The following GLCCI1 variants were observed in gnomAD, a reference collection of about 807,000 sequenced individuals.
GLCCI1 encodes the protein glucocorticoid-induced transcript 1 protein.
In GLCCI1, 24 loss-of-function variants were observed where a neutral mutation model predicts 52.2. The ratio of observed to expected loss-of-function variants is 0.46; its 90% CI spans 0.33 to 0.65. The LOEUF (loss-of-function observed/expected upper bound fraction) is 0.65, where lower values mean the gene tolerates loss of function less well. Ranked by LOEUF, GLCCI1 falls within the 30% of genes least tolerant of loss-of-function variation. The pLI is 0.02. For synonymous variants in GLCCI1, 310 were observed against 276.5 expected, an observed-to-expected ratio of 1.12 and a Z score of -1.20; for missense variants, 704 against 701.5, an observed-to-expected ratio of 1.00 and a Z score of -0.04.
At chr7:8,057,417 A>G (rs1040845340) in intron 4 of GLCCI1, among the ~76,000 whole-genome samples, 7 of 152,218 alleles carry the variant, frequency 4.6e-5, no homozygotes, top group African/African-American at 4.8e-5. Context: ...TTGAATCTCA[A>G]AAACATCATG....
intron 3 of GLCCI1, among the ~76,000 whole-genome samples, chr7:8,041,219 A>T (rs1396026989): frequency 6.6e-6 from 1 of 152,216 alleles, no homozygotes; most frequent in Non-Finnish European, 1.5e-5. Flanking sequence ...CAGCCACAAC[A>T]TTCCCTTAAG....
intron 2 of GLCCI1, among the ~76,000 whole-genome samples, chr7:8,021,698 CA>C (rs557267104): frequency 1.2e-4 from 19 of 152,210 alleles, no homozygotes; most frequent in Non-Finnish European, 2.6e-4. Context: ...CCACCATGCT[CA>C]GCCTATTGTT....
chr7:8,003,577 G>C (rs1781087901), intron 1 of GLCCI1, among the ~76,000 whole-genome samples: 1 of 152,184 alleles, frequency 6.6e-6, no homozygotes, highest in African/African-American at 2.4e-5. Flanking sequence ...TGGATACAGG[G>C]ATAGCAGTTA....
intron 5 of GLCCI1, among the ~76,000 whole-genome samples, chr7:8,069,014 T>A (rs890088522): frequency 2.6e-5 from 4 of 152,202 alleles, no homozygotes; most frequent in African/African-American, 9.7e-5. Flanking sequence ...TTCCTCACTA[T>A]TGCAGCTGCG....
At chr7:8,001,780 A>G (rs1249369854) in intron 1 of GLCCI1, among the ~76,000 whole-genome samples, 1 of 152,254 alleles carries the variant, frequency 6.6e-6, no homozygotes, top group Non-Finnish European at 1.5e-5. Flanking sequence ...GCCATAAAAA[A>G]GAATGAGTTC....
intron 5 of GLCCI1, among the ~76,000 whole-genome samples, chr7:8,068,527 A>G (rs73053562): frequency 0.037 from 5,592 of 152,244 alleles, 146 homozygotes; most frequent in Non-Finnish European, 0.057. Context: ...CATTTCATCA[A>G]TCAGCTCCTG....
intron 5 of GLCCI1, among the ~76,000 whole-genome samples, chr7:8,060,640 C>T (rs988218402): frequency 8.5e-5 from 13 of 152,072 alleles, no homozygotes; most frequent in African/African-American, 3.1e-4. Context: ...TAAGGTTCAC[C>T]CACGTTTAGC....
At position 8,055,470 on chromosome 7, in the gene GLCCI1, A is replaced by T; in HGVS notation, c.734A>T (p.Lys245Ile). The T allele has an allele frequency of 6.2e-7, 1 of 1,614,022 alleles. No individual in the cohort carries two copies. Among genetic ancestry groups the T allele is most frequent in the Non-Finnish European group, 8.5e-7 (1 of 1,179,922 alleles). ...CTGAGGCAGCAACTACAACGCAGTA[A>T]ACAGAGTAGTCGTCACAGTAAGGAG... Reference protein sequence around the residue: ...AKLRQQLQRSKQSSRHSKEKD... With the variant: ...AKLRQQLQRSIQSSRHSKEKD... The change falls in exon 4 of 8, where the codon AAA becomes ATA. Residue 245 changes from lysine (K) to isoleucine (I), a missense_variant. Physicochemically the swap from Lys to Ile is moderately radical, Grantham distance 102. Transcript: ENST00000223145.
intron 1 of GLCCI1, chr7:7,980,784 GA>G: frequency 1.4e-6 from 1 of 693,862 alleles, no homozygotes; most frequent in South Asian, 1.6e-5. Context: ...TGAGGTGACA[GA>G]AGGCATTGAC....
At position 8,088,240 on chromosome 7, in the gene GLCCI1, T is replaced by TTGTGGG; in HGVS notation, c.*1706_*1707insGGTGTG. On this transcript the variant is annotated 3_prime_UTR_variant, in exon 8 of 8. Coordinates refer to ENST00000223145, the MANE Select transcript of GLCCI1 (RefSeq NM_138426.4). The stretch of plus-strand genomic sequence containing the variant: ...AGAAATGATATATATATGTATATGT[T>TTGTGGG]TGTGTGTGTGTGTGTGTGTGTGTGT... 6.8e-6 allele frequency: 1 copy of TTGTGGG among 147,466 alleles called. No homozygotes were observed. The highest frequency in any genetic ancestry group is 6.8e-5 in the Admixed American group (1 of 14,708). 9.1% of individuals were successfully genotyped at this position (147,466 alleles called of 1,614,324 possible).
intron 2 of GLCCI1, 41 bp from the exon 3 acceptor site, chr7:8,022,442 G>T: frequency 8.9e-7 from 1 of 1,117,928 alleles, no homozygotes; most frequent in Non-Finnish European, 1.2e-6. Flanking sequence ...AGGAAGTAGA[G>T]ATAAAATTTC....
In GLCCI1 at chr7:8,009,717, C is replaced by T. The variant is rs77457983; in HGVS notation, c.609+5658C>T. Among the ~76,000 whole-genome samples the T allele has an allele frequency of 5.6e-3, 850 of 152,284 alleles. 12 individuals carry two copies. The highest frequency in any genetic ancestry group is 6.0e-3 in the Non-Finnish European group (409 of 68,030). On this transcript the variant is annotated intron_variant, in intron 2 of 7. Transcript: ENST00000223145. ...AGTATGAGCAAGAAATTAACTTTTG[C>T]AGTTTTAAGTCATTTGGATTTGGAG... is the stretch of plus-strand genomic sequence containing the variant.
intron 3 of GLCCI1, among the ~76,000 whole-genome samples, chr7:8,032,697 A>C (rs1781781743): frequency 6.6e-6 from 1 of 152,096 alleles, no homozygotes; most frequent in South Asian, 2.1e-4. Flanking sequence ...TAAAGTGCCA[A>C]AGCTGACTTA....
chr7:8,073,216 T>C (rs1782802010), intron 6 of GLCCI1, among the ~76,000 whole-genome samples: 1 of 152,158 alleles, frequency 6.6e-6, no homozygotes, highest in South Asian at 2.1e-4. Context: ...CTCAAAGATT[T>C]AATGAATGGT....
At chr7:8,082,780 T>C (rs1783022558) in intron 6 of GLCCI1, among the ~76,000 whole-genome samples, 1 of 152,198 alleles carries the variant, frequency 6.6e-6, no homozygotes, top group South Asian at 2.1e-4. Flanking sequence ...AAATTACTTA[T>C]TCTAGATTGT....
intron 3 of GLCCI1, among the ~76,000 whole-genome samples, chr7:8,041,649 C>T (rs553268146): frequency 9.9e-4 from 151 of 152,154 alleles, no homozygotes; most frequent in Non-Finnish European, 1.9e-3. Flanking sequence ...GGCTGGAGTA[C>T]AGTGGCATGA....
At chr7:7,985,766 T>C (rs1043487950) in intron 1 of GLCCI1, among the ~76,000 whole-genome samples, 3 of 152,260 alleles carry the variant, frequency 2.0e-5, no homozygotes, top group African/African-American at 7.2e-5. Context: ...TCCTTTCTTC[T>C]GAATCATATA....
In GLCCI1 at chr7:7,987,842, G is replaced by T. The variant is rs199898886; in HGVS notation, c.458-16066G>T. On this transcript the variant is annotated intron_variant, in intron 1 of 7. Coordinates refer to ENST00000223145, the MANE Select transcript of GLCCI1 (RefSeq NM_138426.4). Reference sequence around the variant, plus strand: ...GGCCTCAAGTTATCCTTCCGCTTTGGCCTTTAAAAGAGCTGGGGTTGCAGG... The same window carrying T: ...GGCCTCAAGTTATCCTTCCGCTTTGTCCTTTAAAAGAGCTGGGGTTGCAGG... Among the ~76,000 whole-genome samples, 3 of 152,044 alleles carry T rather than the reference G, an allele frequency of 2.0e-5. No homozygotes were observed. The East Asian group carries it at 5.8e-4, about 29-fold the overall frequency.
intron 3 of GLCCI1, among the ~76,000 whole-genome samples, chr7:8,029,111 AT>A (rs1781690889): frequency 6.6e-6 from 1 of 152,192 alleles, no homozygotes; most frequent in South Asian, 2.1e-4. Context: ...CAAGACTAGT[AT>A]TACCCTGCTA....
Sources: gnomAD v4.1 joint callset for allele counts (sites outside exome capture counted in the v4.1 genomes callset) on GRCh38, gnomAD v4.1.1 for gene constraint, MANE v1.5 for transcripts, NCBI Gene and HGNC (gene_info 2026-07-23, HGNC 2026-07-21) for gene names.